The following DERL2 variants were observed in gnomAD, a reference collection of about 807,000 sequenced individuals.
DERL2 encodes derlin 2, also known as derlin-2.
Under a neutral mutation model 32.0 loss-of-function variants are expected in DERL2, and 13 were observed. That is an observed-to-expected ratio of 0.41 (90% CI 0.26 to 0.65). DERL2 has a LOEUF of 0.65. Among genes scored for constraint, DERL2 ranks in the 30% least tolerant of loss-of-function variants. DERL2 has a pLI of 0.35. For missense variants in DERL2, 208 were observed against 296.3 expected (o/e 0.70, Z 2.19); for synonymous variants, 111 against 104.7 (o/e 1.06, Z -0.37).
At chr17:5,484,509 A>G (rs1166799852) in intron 2 of DERL2, among the ~76,000 whole-genome samples, 1 of 152,196 alleles carries the variant, frequency 6.6e-6, no homozygotes, top group African/African-American at 2.4e-5. Flanking sequence ...CAGCCTCCCA[A>G]AGTGCTGGGA....
In DERL2 at chr17:5,481,395, G is replaced by T. The variant is rs759029496; in HGVS notation, c.234-6C>A. 1.8e-5 allele frequency: 29 copies of T among 1,603,518 alleles called. No homozygotes were observed. The highest frequency in any genetic ancestry group is 3.4e-6 in the Non-Finnish European group (4 of 1,170,808). ...GCATTCGACAGTAACGATATCTTAA[G>T]TTCCAAGTTAAGAAAATATTAAGCA... is the stretch of plus-strand genomic sequence containing the variant. On this transcript the variant is annotated splice_region_variant and splice_polypyrimidine_tract_variant and intron_variant, in intron 3 of 6. Coordinates refer to ENST00000158771, the MANE Select transcript of DERL2 (RefSeq NM_016041.5). This position sits in a 1 kb window ranked among gnomAD's most constrained non-coding sequence, Gnocchi z 4.4.
chr17:5,478,266 T>A (rs1030379389), intron 6 of DERL2, among the ~76,000 whole-genome samples: 1 of 152,118 alleles, frequency 6.6e-6, no homozygotes, highest in Non-Finnish European at 1.5e-5. Context: ...TCCCAGCTAC[T>A]CAGGAGGCTG....
At chr17:5,482,594 G>C in intron 3 of DERL2, 1 of 418,944 alleles carries the variant, frequency 2.4e-6, no homozygotes, top group South Asian at 2.7e-5. Flanking sequence ...AAGAGCAGAA[G>C]TGCTATCTTT....
rs1905192855 is a variant in DERL2 at position 5,473,066 on chromosome 17, A to C, written c.*1618T>G. On this transcript the variant is annotated 3_prime_UTR_variant, in exon 7 of 7. Coordinates refer to ENST00000158771, the MANE Select transcript of DERL2 (RefSeq NM_016041.5). ...TTAAAACACTTTTCACTTCAAAAAC[A>C]ATCTGAAAATTCCTATTTAGGATGT... is the stretch of plus-strand genomic sequence containing the variant. The C allele has an allele frequency of 6.6e-6, 1 of 152,254 alleles. No homozygotes were observed. The highest frequency in any genetic ancestry group is 2.4e-5 in the African/African-American group (1 of 41,472). 9.4% of individuals were successfully genotyped at this position (152,254 alleles called of 1,614,324 possible). A position where few individuals can be genotyped will look rare whatever the true frequency, so the allele number is the denominator to read the frequency against.
At position 5,474,772 on chromosome 17, in the gene DERL2, G is replaced by T; in HGVS notation, c.632C>A (p.Thr211Lys). The T allele has an allele frequency of 6.2e-7, 1 of 1,613,354 alleles. No homozygotes were observed. The highest frequency in any genetic ancestry group is 1.1e-5 in the South Asian group (1 of 90,984). Residue 211 changes from threonine (T) to lysine (K), a missense_variant, in exon 7 of 7, where the codon ACA becomes AAA. Coordinates refer to ENST00000158771, the MANE Select transcript of DERL2 (RefSeq NM_016041.5). This position sits in a 1 kb window ranked among gnomAD's most constrained non-coding sequence, Gnocchi z 4.3. ...TPSILKAIFDTPDEDPNYNPL... is the reference protein window; with the variant it reads ...TPSILKAIFDKPDEDPNYNPL... ...ATTGTAATTTGGATCCTCATCTGGT[G>T]TATCAAAAATAGCTTTCCTAAAAGA...
At chr17:5,484,367 C>A (rs1381294361) in intron 2 of DERL2, among the ~76,000 whole-genome samples, 1 of 152,262 alleles carries the variant, frequency 6.6e-6, no homozygotes, top group Non-Finnish European at 1.5e-5. Flanking sequence ...CTGCCTCAGC[C>A]TCGCCAGTAG....
At position 5,482,797 on chromosome 17, in the gene DERL2, A is replaced by G. The variant is rs770839219; in HGVS notation, c.233+12T>C. 8.5e-6 allele frequency: 12 copies of G among 1,415,226 alleles called. No individual in the cohort carries two copies. The highest frequency in any genetic ancestry group is 1.2e-5 in the Non-Finnish European group (12 of 1,024,838). The allele number at this position is 1,415,226 out of a possible 1,614,324, so 87.7% of individuals were successfully genotyped here. On this transcript the variant is annotated intron_variant, in intron 3 of 6. Coordinates refer to ENST00000158771, the MANE Select transcript of DERL2 (RefSeq NM_016041.5). ...AAAAGTTTTGATGCTGACCCCATTT[A>G]ATAAAGGATACAGAAAAATCATGTT...
At chr17:5,486,017 AC>A in intron 1 of DERL2, 51 bp downstream of exon 1, 1 of 1,540,424 alleles carries the variant, frequency 6.5e-7, no homozygotes. Flanking sequence ...TTTCCTGAAG[AC>A]CCAGTCATAT....
At chr17:5,483,731 G>A (rs970033979) in intron 2 of DERL2, among the ~76,000 whole-genome samples, 1 of 152,150 alleles carries the variant, frequency 6.6e-6, no homozygotes, top group Non-Finnish European at 1.5e-5. Context: ...AGGAGTAGAT[G>A]GAAACTCTGA....
chr17:5,480,946 C>T (rs1045356374), intron 4 of DERL2: 1 of 517,518 alleles, frequency 1.9e-6, no homozygotes, highest in Non-Finnish European at 3.4e-6. Flanking sequence ...TCAGACCGTA[C>T]CATATCTAAG....
At chr17:5,478,710 A>T (rs1429165849) in intron 6 of DERL2, among the ~76,000 whole-genome samples, 5 of 152,260 alleles carry the variant, frequency 3.3e-5, no homozygotes, top group Admixed American at 6.5e-5. Context: ...ATGTCCATCA[A>T]CAAGGGATTA....
chr17:5,479,201 T>C (rs1302808135), intron 6 of DERL2, among the ~76,000 whole-genome samples: 5 of 152,180 alleles, frequency 3.3e-5, no homozygotes, highest in Non-Finnish European at 5.9e-5. Flanking sequence ...TATGCAGCCT[T>C]GCCTGGCTCA....
chr17:5,476,037 G>A (rs1049870030), intron 6 of DERL2, among the ~76,000 whole-genome samples: 1 of 152,154 alleles, frequency 6.6e-6, no homozygotes, highest in Non-Finnish European at 1.5e-5. Flanking sequence ...CATTTAAAAT[G>A]AGTTAAGATG....
chr17:5,480,147 A>G lies in DERL2; in HGVS notation c.524-3T>C. The stretch of plus-strand genomic sequence containing the variant: ...ATATATGTGTCCAACTGCAATACCT[A>G]GAGTCAAGCAGAAATAAAGGATGAG... On this transcript the variant is annotated splice_region_variant and splice_polypyrimidine_tract_variant and intron_variant, in intron 5 of 6. Transcript: ENST00000158771. The G allele has an allele frequency of 1.3e-6, 2 of 1,575,492 alleles. No homozygotes were observed. Among genetic ancestry groups the G allele is most frequent in the Non-Finnish European group, 1.7e-6 (2 of 1,147,790 alleles).
At position 5,474,535 on chromosome 17, in the gene DERL2, T is replaced by A; in HGVS notation, c.*149A>T. The A allele has an allele frequency of 5.1e-6, 3 of 588,172 alleles. No homozygotes were observed. The highest frequency in any genetic ancestry group is 9.0e-6 in the Non-Finnish European group (3 of 334,466). 36.4% of individuals were successfully genotyped at this position (588,172 alleles called of 1,614,324 possible). A position where few individuals can be genotyped will look rare whatever the true frequency, so the allele number is the denominator to read the frequency against. ...CAAACTGTTGGAAATGTCTTCTGGATTAGTCAGTGTACCATTTCATAAAGT... is the reference window on the plus strand; with the variant it reads ...CAAACTGTTGGAAATGTCTTCTGGAATAGTCAGTGTACCATTTCATAAAGT... On this transcript the variant is annotated 3_prime_UTR_variant, in exon 7 of 7. Transcript: ENST00000158771. This position sits in a 1 kb window ranked among gnomAD's most constrained non-coding sequence, Gnocchi z 4.3.
chr17:5,484,830 C>A (rs1008535500), intron 2 of DERL2, among the ~76,000 whole-genome samples: 1 of 152,210 alleles, frequency 6.6e-6, no homozygotes, highest in Non-Finnish European at 1.5e-5. Flanking sequence ...TAAGTCTAAA[C>A]CAGTGATTTC....
At chr17:5,475,839 A>G (rs1200843136) in intron 6 of DERL2, among the ~76,000 whole-genome samples, 1 of 152,200 alleles carries the variant, frequency 6.6e-6, no homozygotes, top group Non-Finnish European at 1.5e-5. Flanking sequence ...CCAGACAAAA[A>G]AGGACAAATA....
rs1230432964 is a variant in DERL2, at chr17:5,472,530, C to A, written c.*2154G>T. ...CAGCAGGGCATCCTGCCACTGGGAACTTGCACCCTATAAAATCGGAGAAAT... is the reference window on the plus strand; with the variant it reads ...CAGCAGGGCATCCTGCCACTGGGAAATTGCACCCTATAAAATCGGAGAAAT... On this transcript the variant is annotated 3_prime_UTR_variant, in exon 7 of 7. Transcript: ENST00000158771. The A allele has an allele frequency of 6.6e-6, 1 of 152,218 alleles. No homozygotes were observed. 9.4% of individuals were successfully genotyped at this position (152,218 alleles called of 1,614,324 possible). A position where few individuals can be genotyped will look rare whatever the true frequency, so the allele number is the denominator to read the frequency against.
Position 5,471,967 on chromosome 17 carries a change from CT to C in DERL2, c.*2716del, listed in dbSNP as rs1277968895. ...CCAGACCCAGGACTTAGGTGTTCTG[CT>C]TCTAGAGACTACACAAGAGGTATGA... On this transcript the variant is annotated 3_prime_UTR_variant, in exon 7 of 7. Coordinates refer to ENST00000158771, the MANE Select transcript of DERL2 (RefSeq NM_016041.5). 2 of 152,236 alleles carry C rather than the reference CT, an allele frequency of 1.3e-5. No homozygotes were observed. The highest frequency in any genetic ancestry group is 3.9e-4 in the East Asian group (2 of 5,176). 9.4% of individuals were successfully genotyped at this position (152,236 alleles called of 1,614,324 possible).
Sources: gnomAD v4.1 joint callset for allele counts (sites outside exome capture counted in the v4.1 genomes callset) on GRCh38, gnomAD v4.1.1 for gene constraint, Gnocchi (gnomAD v3.1) non-coding constraint, MANE v1.5 for transcripts, NCBI Gene and HGNC (gene_info 2026-07-23, HGNC 2026-07-21) for gene names.